Variants in ADGRL3 observed in about 807,000 individuals in gnomAD.
The protein encoded by ADGRL3 is adhesion G protein-coupled receptor L3, also known as calcium-independent alpha-latrotoxin receptor 3.
In ADGRL3, 62 loss-of-function variants were observed where a neutral mutation model predicts 153.5. The observed-to-expected ratio is 0.40, with a 90% CI of 0.33 to 0.50. ADGRL3 has a LOEUF of 0.50. ADGRL3 is among the 20% of genes least tolerant of loss of function. The pLI is 0.47. For missense variants in ADGRL3, 1,641 were observed against 1,859.4 expected (o/e 0.88, Z 2.16); for synonymous variants, 710 against 672.5 (o/e 1.06, Z -0.86).
chr4:61,989,848 G>C (rs2099097794), intron 19 of ADGRL3, among the ~76,000 whole-genome samples: 1 of 151,966 alleles, frequency 6.6e-6, no homozygotes, highest in African/African-American at 2.4e-5. Flanking sequence ...TATAATATAT[G>C]ATGACTTTGT....
chr4:61,320,830 G>T (rs2095340510), intron 1 of ADGRL3, among the ~76,000 whole-genome samples: 2 of 152,086 alleles, frequency 1.3e-5, no homozygotes, highest in African/African-American at 4.8e-5. Context: ...CTCTTCTGGT[G>T]GTCAGATGCC....
intron 21 of ADGRL3, among the ~76,000 whole-genome samples, chr4:62,015,518 A>G (rs1376109171): frequency 6.6e-6 from 1 of 152,194 alleles, no homozygotes; most frequent in Non-Finnish European, 1.5e-5. Context: ...TATGACTCAA[A>G]AGGTAGCACA....
chr4:61,742,632 G>A (rs1051556634), intron 8 of ADGRL3, among the ~76,000 whole-genome samples: 3 of 152,030 alleles, frequency 2.0e-5, no homozygotes, highest in Non-Finnish European at 2.9e-5. Context: ...GGCTTGACAG[G>A]CAATAGTATG....
In ADGRL3 at chr4:61,399,302, A is replaced by G. The variant is rs566765240; in HGVS notation, c.-174+16113A>G. 2.0e-5 allele frequency among the ~76,000 whole-genome samples: 3 copies of G among 151,816 alleles called. No individual in the cohort carries two copies. In the South Asian group the frequency reaches 6.2e-4, roughly 31 times the overall value. ...TAAAATATCTTTTACAGTAGGAATT[A>G]ATATTAATTAGTAAAGTGCACTGCT... On this transcript the variant is annotated intron_variant, in intron 2 of 26. Transcript: ENST00000683033.
chr4:61,464,542 T>C (rs904638782), intron 2 of ADGRL3, among the ~76,000 whole-genome samples: 1 of 152,164 alleles, frequency 6.6e-6, no homozygotes, highest in Non-Finnish European at 1.5e-5. Flanking sequence ...AATTCAGACT[T>C]TTAGAAAATT....
intron 1 of ADGRL3, among the ~76,000 whole-genome samples, chr4:61,286,309 T>C (rs1247221197): frequency 4.0e-5 from 6 of 151,538 alleles, no homozygotes; most frequent in South Asian, 2.1e-4. Flanking sequence ...GGTTTTCTTT[T>C]TTTTTTTTTG....
chr4:61,745,776 C>A (rs1245917729), intron 8 of ADGRL3, among the ~76,000 whole-genome samples: 2 of 152,112 alleles, frequency 1.3e-5, no homozygotes, highest in African/African-American at 2.4e-5. Context: ...TAAAGACCAT[C>A]GAGGCTAGGA....
chr4:61,543,614 A>G (rs80331135), intron 4 of ADGRL3, among the ~76,000 whole-genome samples: 3,876 of 152,204 alleles, frequency 0.025, 66 homozygotes, highest in Non-Finnish European at 0.039. Context: ...CTCTTCTTCC[A>G]TTTTCAAGTT....
At chr4:61,755,536 T>G (rs1367962234) in intron 8 of ADGRL3, among the ~76,000 whole-genome samples, 3 of 152,222 alleles carry the variant, frequency 2.0e-5, no homozygotes, top group African/African-American at 4.8e-5. Context: ...GTCAGATGAG[T>G]AGATTGCAAA....
chr4:61,760,746 G>A (rs988480464), intron 8 of ADGRL3, among the ~76,000 whole-genome samples: 3 of 152,164 alleles, frequency 2.0e-5, no homozygotes, highest in African/African-American at 7.2e-5. Flanking sequence ...CTTCTGGGTC[G>A]CTCATGCTGG....
At chr4:61,388,157 A>G (rs2096761073) in intron 2 of ADGRL3, among the ~76,000 whole-genome samples, 1 of 152,118 alleles carries the variant, frequency 6.6e-6, no homozygotes, top group Non-Finnish European at 1.5e-5. Flanking sequence ...TGAGATAAAG[A>G]GCTCAAATTT....
chr4:61,995,094 A>G (rs930869267), intron 19 of ADGRL3, among the ~76,000 whole-genome samples: 4 of 151,462 alleles, frequency 2.6e-5, no homozygotes, highest in Non-Finnish European at 5.9e-5. Flanking sequence ...TGCAGACACA[A>G]GGTTTTGCCA....
At chr4:61,722,203 C>T (rs2096254615) in intron 6 of ADGRL3, among the ~76,000 whole-genome samples, 1 of 152,154 alleles carries the variant, frequency 6.6e-6, no homozygotes, top group Non-Finnish European at 1.5e-5. Context: ...GCAGAAATTG[C>T]TATCCTGATT....
chr4:61,692,173 C>G (rs1176921311), intron 6 of ADGRL3, among the ~76,000 whole-genome samples: 2 of 152,094 alleles, frequency 1.3e-5, no homozygotes, highest in Non-Finnish European at 2.9e-5. Flanking sequence ...GCACTAAATA[C>G]TTTGCATATA....
chr4:61,317,300 A>C (rs2095245118), intron 1 of ADGRL3, among the ~76,000 whole-genome samples: 1 of 152,206 alleles, frequency 6.6e-6, no homozygotes, highest in Admixed American at 6.5e-5. Context: ...CTAAAGAAGA[A>C]GTAATTATTT....
chr4:62,017,598 G>T (rs1304960265), intron 21 of ADGRL3, among the ~76,000 whole-genome samples: 1 of 151,906 alleles, frequency 6.6e-6, no homozygotes, highest in East Asian at 1.9e-4. Flanking sequence ...GTTCTGAAGT[G>T]AAATGTTAGT....
At chr4:61,270,187 A>T (rs2093086032) in intron 1 of ADGRL3, among the ~76,000 whole-genome samples, 2 of 151,858 alleles carry the variant, frequency 1.3e-5, no homozygotes, top group Middle Eastern at 3.4e-3. Context: ...TAAAGGTCAG[A>T]ATACATAAAG....
intron 4 of ADGRL3, among the ~76,000 whole-genome samples, chr4:61,570,553 C>T (rs1291897530): frequency 6.6e-6 from 1 of 152,106 alleles, no homozygotes; most frequent in African/African-American, 2.4e-5. Flanking sequence ...ATATCAATGC[C>T]TCATCTCTGA....
chr4:61,963,711 G>A (rs1237490719), intron 17 of ADGRL3, among the ~76,000 whole-genome samples: 2 of 152,122 alleles, frequency 1.3e-5, no homozygotes, highest in African/African-American at 4.8e-5. Context: ...ATGAATAGTG[G>A]ACAATAGAAC....
Sources: allele counts gnomAD v4.1 joint callset (sites outside exome capture counted in the v4.1 genomes callset), GRCh38; gene constraint gnomAD v4.1.1; transcripts MANE v1.5; gene names NCBI Gene and HGNC (gene_info 2026-07-23, HGNC 2026-07-21).